HDAC4: variants seen among roughly 807,000 people sequenced by gnomAD.
The protein encoded by HDAC4 is histone deacetylase A.
In HDAC4, 16 loss-of-function variants were observed where a neutral mutation model predicts 135.1. That is an observed-to-expected ratio of 0.12 (90% confidence interval 0.08 to 0.18). The LOEUF (loss-of-function observed/expected upper bound fraction) is 0.18, where lower values mean the gene tolerates loss of function less well. HDAC4 is among the 10% of genes least tolerant of loss of function. HDAC4 has a pLI of 1.00. For missense variants in HDAC4, 1,143 were observed against 1,511.8 expected (o/e 0.76, Z 4.05); for synonymous variants, 685 against 653.4 (o/e 1.05, Z -0.74).
At position 239,122,962 on chromosome 2, in the gene HDAC4, C is replaced by A. The variant is rs142399984; in HGVS notation, c.1533+3494G>T. On this transcript the variant is annotated intron_variant, in intron 12 of 26. Transcript: ENST00000543185. ...GGACGTCATCCTCCAAGAGGAAGGGCCGGGACGTCAGTGTTAGGCGGCCCT... is the reference window on the plus strand; with the variant it reads ...GGACGTCATCCTCCAAGAGGAAGGGACGGGACGTCAGTGTTAGGCGGCCCT... Among the ~76,000 whole-genome samples, 244 of 152,270 alleles carry A rather than the reference C, an allele frequency of 1.6e-3. 1 individual carries two copies. Among genetic ancestry groups the A allele is most frequent in the African/African-American group, 5.7e-3 (235 of 41,550 alleles).
chr2:239,073,690 T>G (rs921557650), intron 22 of HDAC4, among the ~76,000 whole-genome samples: 1 of 152,254 alleles, frequency 6.6e-6, no homozygotes, highest in African/African-American at 2.4e-5. Context: ...CATGGCGATT[T>G]CGCAAACATG....
intron 1 of HDAC4, among the ~76,000 whole-genome samples, chr2:239,380,871 G>A (rs375066350): frequency 2.0e-5 from 3 of 152,074 alleles, no homozygotes; most frequent in Middle Eastern, 3.2e-3. Context: ...CTCAGAAAAC[G>A]AGGGATGCCC....
rs1211022460 is a variant in HDAC4 at position 239,306,116 on chromosome 2, C to CCTCG, written c.22+46558_22+46561dup. Among the ~76,000 whole-genome samples the CCTCG allele has an allele frequency of 6.6e-6, 1 of 152,204 alleles. No homozygotes were observed. Among genetic ancestry groups the CCTCG allele is most frequent in the Non-Finnish European group, 1.5e-5 (1 of 68,026 alleles). On this transcript the variant is annotated intron_variant, in intron 2 of 26. Transcript: ENST00000543185. The surrounding 1 kb of genome is among the most constrained non-coding windows in gnomAD (Gnocchi z 4.5). ...TCAAGGTCCCAAAGAATGCTGCCCA[C>CCTCG]CTCGGTCAGCCTTGCTTCTAGAAAC...
rs1693219817 is a variant in HDAC4 at position 239,352,246 on chromosome 2, A to G, written c.22+432T>C. ...AACACCAGGAGCAACTGTGGCCACG[A>G]CCTCAGTGGGAACATGAGCTTCTTC... On this transcript the variant is annotated intron_variant, in intron 2 of 26. Transcript: ENST00000543185. The surrounding 1 kb of genome is among the most constrained non-coding windows in gnomAD (Gnocchi z 4.4). Among the ~76,000 whole-genome samples the G allele has an allele frequency of 6.6e-6, 1 of 151,968 alleles. No homozygotes were observed. Among genetic ancestry groups the G allele is most frequent in the Admixed American group, 6.6e-5 (1 of 15,266 alleles).
In HDAC4 at chr2:239,134,651, C is replaced by T; in HGVS notation, c.979-8G>A. 1 of 1,604,904 alleles carries T rather than the reference C, an allele frequency of 6.2e-7. No homozygotes were observed. The highest frequency in any genetic ancestry group is 8.5e-7 in the Non-Finnish European group (1 of 1,171,556). On this transcript the variant is annotated splice_polypyrimidine_tract_variant and splice_region_variant and intron_variant, in intron 9 of 26. Transcript: ENST00000543185. ...TCTGTGCGCCAAACTCGTCTGGGGA[C>T]AGAACACACGATGACCATCACAGTC...
chr2:239,203,037 G>A (rs997972337), intron 3 of HDAC4, among the ~76,000 whole-genome samples: 5 of 152,206 alleles, frequency 3.3e-5, no homozygotes, highest in African/African-American at 1.2e-4. Flanking sequence ...TGCTGGCAGC[G>A]CTGAGTGGAG....
intron 2 of HDAC4, among the ~76,000 whole-genome samples, chr2:239,345,377 G>A (rs545265364): frequency 1.3e-5 from 2 of 152,078 alleles, no homozygotes; most frequent in African/African-American, 4.8e-5. Flanking sequence ...GGTGAGATTC[G>A]GTCTCCACAA....
chr2:239,058,139 C>T lies in HDAC4; in HGVS notation c.3004-3306G>A, dbSNP rs1049384358. Among the ~76,000 whole-genome samples the T allele has an allele frequency of 1.1e-4, 17 of 152,316 alleles. No homozygotes were observed. The South Asian group carries it at 1.2e-3, about 11-fold the overall frequency. ...CACCCTAATTGGGGCTGGCCCAGTC[C>T]GGGCTTTGGTTTGCATGGAGGTGGG... On this transcript the variant is annotated intron_variant, in intron 24 of 26. Transcript: ENST00000543185.
chr2:239,288,983 G>C (rs2051303011), intron 2 of HDAC4, among the ~76,000 whole-genome samples: 1 of 152,190 alleles, frequency 6.6e-6, no homozygotes, highest in African/African-American at 2.4e-5. Context: ...GCAGGGAGGG[G>C]GCTGAGACAG....
chr2:239,131,314 T>C (rs1374287732), intron 11 of HDAC4, among the ~76,000 whole-genome samples: 1 of 152,164 alleles, frequency 6.6e-6, no homozygotes, highest in African/African-American at 2.4e-5. Flanking sequence ...AGGGCTGTTC[T>C]AGCTTTGATA....
chr2:239,400,342 G>C lies in HDAC4; in HGVS notation c.-220+636C>G. 1 of 148,226 alleles carries C rather than the reference G, an allele frequency of 6.7e-6. No homozygotes were observed. Among genetic ancestry groups the C allele is most frequent in the South Asian group, 2.1e-4 (1 of 4,716 alleles). 9.2% of individuals were successfully genotyped at this position (148,226 alleles called of 1,614,324 possible). ...GCCCGGCCGGCCCCGGCGCCCGCCC[G>C]CCCCCGCCCTCACTCCCGGCGGCCC... On this transcript the variant is annotated intron_variant, in intron 1 of 26. Coordinates refer to ENST00000543185, the MANE Select transcript of HDAC4 (RefSeq NM_001378414.1). The surrounding 1 kb of genome is among the most constrained non-coding windows in gnomAD (Gnocchi z 4.7).
intron 3 of HDAC4, among the ~76,000 whole-genome samples, chr2:239,215,924 A>G (rs2046608050): frequency 2.6e-5 from 4 of 152,170 alleles, no homozygotes. Flanking sequence ...CCCCAAGTAA[A>G]TATTTATGCC....
intron 2 of HDAC4, among the ~76,000 whole-genome samples, chr2:239,338,506 A>G (rs567620657): frequency 6.6e-6 from 1 of 152,316 alleles, no homozygotes; most frequent in South Asian, 2.1e-4. Context: ...TAAAATTGAC[A>G]CACTAAAAGA....
intron 2 of HDAC4, among the ~76,000 whole-genome samples, chr2:239,274,325 A>G (rs1256171298): frequency 6.6e-6 from 1 of 152,158 alleles, no homozygotes; most frequent in African/African-American, 2.4e-5. Flanking sequence ...ATGGCCACTA[A>G]GTTTCCACGA....
At chr2:239,381,233 T>G (rs1283703139) in intron 1 of HDAC4, among the ~76,000 whole-genome samples, 1 of 152,236 alleles carries the variant, frequency 6.6e-6, no homozygotes, top group African/African-American at 2.4e-5. Flanking sequence ...TGACTCTCAG[T>G]GCTTCGTTTT....
rs373617771 is a variant in HDAC4 at position 239,383,412 on chromosome 2, G to C, written c.-220+17566C>G. Among the ~76,000 whole-genome samples, 17 of 152,278 alleles carry C rather than the reference G, an allele frequency of 1.1e-4. No homozygotes were observed. The East Asian group carries it at 3.1e-3, about 28-fold the overall frequency. On this transcript the variant is annotated intron_variant, in intron 1 of 26. Transcript: ENST00000543185. Reference sequence around the variant, plus strand: ...AGCTGCCTCTCGGGAGATGGAGCAGGGCTTGGAAACAGATCTGATGACATG... The same window carrying C: ...AGCTGCCTCTCGGGAGATGGAGCAGCGCTTGGAAACAGATCTGATGACATG...
At chr2:239,072,548 C>A (rs967375453) in intron 22 of HDAC4, among the ~76,000 whole-genome samples, 2 of 152,208 alleles carry the variant, frequency 1.3e-5, no homozygotes, top group Non-Finnish European at 2.9e-5. Flanking sequence ...AAGTGCATCA[C>A]CCGATGGGCG....
chr2:239,272,719 C>T (rs1160876303), intron 2 of HDAC4, among the ~76,000 whole-genome samples: 1 of 152,216 alleles, frequency 6.6e-6, no homozygotes, highest in Non-Finnish European at 1.5e-5. Flanking sequence ...CTGCACTCAC[C>T]CCCAATGCAC....
chr2:239,098,295 C>T (rs1056130317), intron 16 of HDAC4, among the ~76,000 whole-genome samples: 11 of 152,362 alleles, frequency 7.2e-5, no homozygotes, highest in African/African-American at 2.4e-4. Flanking sequence ...GGGCCTGAAG[C>T]TCTGCAAACG....
Sources: allele counts gnomAD v4.1 joint callset (sites outside exome capture counted in the v4.1 genomes callset), GRCh38; gene constraint gnomAD v4.1.1; non-coding constraint Gnocchi (gnomAD v3.1); transcripts MANE v1.5; gene names NCBI Gene and HGNC (gene_info 2026-07-23, HGNC 2026-07-21).